SLC4A5: variants seen among roughly 807,000 people sequenced by gnomAD.
SLC4A5 encodes the protein electrogenic sodium bicarbonate cotransporter 4.
A neutral mutation model predicts 120.4 loss-of-function variants in SLC4A5; 96 were observed. The ratio of observed to expected loss-of-function variants is 0.80; its 90% CI spans 0.68 to 0.94. The LOEUF is 0.94. SLC4A5 is among the 40% of genes least tolerant of loss of function. The pLI is 0.00. For synonymous variants in SLC4A5, 550 were observed against 571.1 expected (o/e 0.96, Z 0.53); for missense variants, 1,259 against 1,459.5 (o/e 0.86, Z 2.24).
chr2:74,234,082 C>A (rs1370505864), intron 22 of SLC4A5, among the ~76,000 whole-genome samples: 6 of 150,202 alleles, frequency 4.0e-5, no homozygotes, highest in Admixed American at 1.3e-4. Flanking sequence ...CAAACAACAA[C>A]AAAAAAAACC....
chr2:74,234,156 C>CT (rs1016001544), intron 22 of SLC4A5, among the ~76,000 whole-genome samples: 95 of 148,708 alleles, frequency 6.4e-4, no homozygotes, highest in African/African-American at 1.7e-3. Flanking sequence ...CGTTGGTGCT[C>CT]TTTTTTTTTT....
At chr2:74,268,000 T>A (rs534163475) in intron 8 of SLC4A5, among the ~76,000 whole-genome samples, 72 of 150,832 alleles carry the variant, frequency 4.8e-4, no homozygotes, top group South Asian at 8.4e-4. Flanking sequence ...TTTTTTTTTT[T>A]AAAAAAGAGC....
At chr2:74,257,651 C>T (rs2104015663) in intron 12 of SLC4A5, among the ~76,000 whole-genome samples, 1 of 152,202 alleles carries the variant, frequency 6.6e-6, no homozygotes, top group Non-Finnish European at 1.5e-5. Context: ...ACCATCTTGG[C>T]TCACTGCAAC....
intron 6 of SLC4A5, among the ~76,000 whole-genome samples, chr2:74,309,156 C>T (rs1195251888): frequency 6.6e-6 from 1 of 151,976 alleles, no homozygotes; most frequent in African/African-American, 2.4e-5. Context: ...TGGGCTCAAA[C>T]AATCCTCCCG....
At chr2:74,282,765 T>A (rs1573059250) in intron 8 of SLC4A5, among the ~76,000 whole-genome samples, 1 of 152,004 alleles carries the variant, frequency 6.6e-6, no homozygotes, top group African/African-American at 2.4e-5. Flanking sequence ...TCGTGGAGGG[T>A]CTGGTCCTGG....
chr2:74,296,624 A>AG (rs1025641528), intron 7 of SLC4A5, among the ~76,000 whole-genome samples: 7 of 148,176 alleles, frequency 4.7e-5, no homozygotes, highest in African/African-American at 2.5e-5. Flanking sequence ...TACAAAAAAA[A>AG]AAAAAAAAAA....
chr2:74,219,491 GC>G (rs754019264), intron 30 of SLC4A5, among the ~76,000 whole-genome samples: 3 of 152,232 alleles, frequency 2.0e-5, no homozygotes, highest in Non-Finnish European at 4.4e-5. Context: ...ATGTTGCAGA[GC>G]CTTTCACTGA....
At chr2:74,290,681 G>A (rs1672138209) in intron 7 of SLC4A5, 1 of 983,886 alleles carries the variant, frequency 1.0e-6, no homozygotes, top group African/African-American at 1.8e-5. Flanking sequence ...AAGTGAGAGG[G>A]TGAGAGAGAA....
chr2:74,263,208 T>C (rs1164343526), intron 10 of SLC4A5, among the ~76,000 whole-genome samples: 1 of 152,166 alleles, frequency 6.6e-6, no homozygotes, highest in Non-Finnish European at 1.5e-5. Flanking sequence ...CTTGGCTAAT[T>C]TTTTGTAAGG....
chr2:74,279,147 T>A (rs1671734196), intron 8 of SLC4A5, among the ~76,000 whole-genome samples: 4 of 152,136 alleles, frequency 2.6e-5, no homozygotes, highest in Admixed American at 2.6e-4. Context: ...AACAAAAGGA[T>A]CTCCCTTGGC....
At chr2:74,221,492 G>A (rs768523813) in exon 30 of SLC4A5, 2 of 1,614,202 alleles carry the variant, frequency 1.2e-6, no homozygotes, top group Non-Finnish European at 1.7e-6. Flanking sequence ...CCAACTGGAA[G>A]ATCTTTTTCC....
intron 19 of SLC4A5, among the ~76,000 whole-genome samples, chr2:74,243,373 C>T (rs1558874130): frequency 1.3e-5 from 2 of 152,206 alleles, no homozygotes; most frequent in East Asian, 1.9e-4. Flanking sequence ...TGAACTGCTA[C>T]GTTGCTCACT....
chr2:74,237,489 G>A lies in SLC4A5; in HGVS notation c.2319+1846C>T, dbSNP rs188798788. ...GAACTTGTCTTGATGGTGCATTTGTGTTGTAAGCAAACTATTTTTTTACTC... is the reference window on the plus strand; with the variant it reads ...GAACTTGTCTTGATGGTGCATTTGTATTGTAAGCAAACTATTTTTTTACTC... On this transcript the variant is annotated intron_variant, in intron 21 of 30. Coordinates refer to ENST00000394019, the Ensembl canonical transcript of SLC4A5. Among the ~76,000 whole-genome samples, 5 of 152,278 alleles carry A rather than the reference G, an allele frequency of 3.3e-5. No individual in the cohort carries two copies. The East Asian group carries it at 9.6e-4, about 29-fold the overall frequency.
chr2:74,307,196 C>G, intron 6 of SLC4A5: 1 of 547,524 alleles, frequency 1.8e-6, no homozygotes, highest in Non-Finnish European at 3.4e-6. Context: ...TCTCCTCCAT[C>G]TGCTGAGAGC....
At chr2:74,239,335 C>T (rs756858969) in exon 21 of SLC4A5, 3 of 1,614,138 alleles carry the variant, frequency 1.9e-6, no homozygotes, top group Non-Finnish European at 2.5e-6. Context: ...GTGAGCTTAC[C>T]TTGGTAGGAA....
intron 7 of SLC4A5, among the ~76,000 whole-genome samples, chr2:74,294,837 A>G (rs1002423281): frequency 5.9e-5 from 9 of 151,956 alleles, no homozygotes; most frequent in Admixed American, 4.6e-4. Context: ...ACGCCCGGCT[A>G]ATTTTTATAT....
exon 16 of SLC4A5, chr2:74,252,214 C>T (rs1247460905): frequency 1.2e-6 from 2 of 1,612,650 alleles, no homozygotes; most frequent in Non-Finnish European, 1.7e-6. Context: ...CGATTTCATG[C>T]ATGGCTGGCA....
At chr2:74,314,108 G>A (rs983205572) in intron 6 of SLC4A5, among the ~76,000 whole-genome samples, 23 of 152,170 alleles carry the variant, frequency 1.5e-4, no homozygotes, top group Admixed American at 1.4e-3. Context: ...AGAAATCAGA[G>A]GAGATGGCTG....
intron 11 of SLC4A5, among the ~76,000 whole-genome samples, chr2:74,260,396 C>T (rs1405172392): frequency 6.6e-6 from 1 of 152,102 alleles, no homozygotes; most frequent in Non-Finnish European, 1.5e-5. Flanking sequence ...GGTGCCTCAG[C>T]CTCTCCGCTG....
Sources: gnomAD v4.1 joint callset for allele counts (sites outside exome capture counted in the v4.1 genomes callset) on GRCh38, gnomAD v4.1.1 for gene constraint, MANE v1.5 for transcripts, NCBI Gene and HGNC (gene_info 2026-07-23, HGNC 2026-07-21) for gene names.